The following DMD variants were observed in gnomAD, a reference collection of about 807,000 sequenced individuals.
The protein encoded by DMD is mutant dystrophin.
In DMD, 63 loss-of-function variants were observed where a neutral mutation model predicts 330.1. That is an observed-to-expected ratio of 0.19 (90% CI 0.16 to 0.24). The LOEUF (loss-of-function observed/expected upper bound fraction) is 0.24. Among genes scored for constraint, DMD ranks in the 10% least tolerant of loss-of-function variants. The probability of loss-of-function intolerance (pLI) is 1.00; values close to 1 mark genes in which losing one functional copy is unlikely to be tolerated. For missense variants in DMD, 3,344 were observed against 2,684.1 expected, an observed-to-expected ratio of 1.25 and a Z score of -5.43; for synonymous variants, 1,223 against 959.8, an observed-to-expected ratio of 1.27 and a Z score of -5.07.
intron 11 of DMD, 61 bp from the exon 12 acceptor site, chrX:32,614,514 C>T (rs2057410923): frequency 1.1e-6 from 1 of 924,773 alleles, no homozygotes; most frequent in African/African-American, 2.0e-5. Context: ...CTGAACATCA[C>T]AATGTAAAAC....
chrX:32,366,499 T>C (rs1312086610), intron 34 of DMD, among the ~76,000 whole-genome samples: 1 of 112,173 alleles, frequency 8.9e-6, no homozygotes, highest in Non-Finnish European at 1.9e-5. Flanking sequence ...AACAGGAAAG[T>C]GGAGAAAGTC....
intron 44 of DMD, among the ~76,000 whole-genome samples, chrX:32,211,968 T>A (rs1354127104): frequency 2.7e-5 from 3 of 112,217 alleles, no homozygotes; most frequent in African/African-American, 9.7e-5. Context: ...TCCAAGAACA[T>A]GCTAGCTTTA....
At chrX:31,995,168 C>A (rs2095576650) in intron 44 of DMD, among the ~76,000 whole-genome samples, 1 of 111,677 alleles carries the variant, frequency 9.0e-6, no homozygotes, top group South Asian at 3.8e-4. Context: ...TAAGTTATTA[C>A]ATTTGTATTT....
At chrX:32,203,304 T>C (rs945620074) in intron 44 of DMD, among the ~76,000 whole-genome samples, 3 of 112,757 alleles carry the variant, frequency 2.7e-5, no homozygotes, top group Admixed American at 1.9e-4. Flanking sequence ...GGAAATATGA[T>C]TGATTCCTTA....
chrX:32,069,621 T>C (rs1357841974), intron 44 of DMD, among the ~76,000 whole-genome samples: 2 of 112,028 alleles, frequency 1.8e-5, no homozygotes, highest in African/African-American at 6.5e-5. Context: ...CAATGAAGCA[T>C]TTTAAGTATG....
chrX:31,728,828 G>A (rs5927821), intron 52 of DMD, among the ~76,000 whole-genome samples: 56,426 of 110,516 alleles, frequency 0.51, 11,372 homozygotes, highest in African/African-American at 0.74. Flanking sequence ...TTCAATACCA[G>A]TGTGTGTCCC....
chrX:31,178,384 T>C lies in DMD; in HGVS notation c.10223+285A>G, dbSNP rs949432936. Reference sequence around the variant, plus strand: ...AATCACTCATTTGTAAACAGTCCCATATTTCTTATAAGGCTTGTAAGGCAA... The same window carrying C: ...AATCACTCATTTGTAAACAGTCCCACATTTCTTATAAGGCTTGTAAGGCAA... On this transcript the variant is annotated intron_variant, in intron 70 of 78. Coordinates refer to ENST00000357033, the MANE Select transcript of DMD (RefSeq NM_004006.3). 17 of 952,994 alleles carry C rather than the reference T, an allele frequency of 1.8e-5. No homozygotes were observed. In the African/African-American group the frequency reaches 3.2e-4, roughly 18 times the overall value. The allele number at this position is 952,994 out of a possible 1,213,427, so 78.5% of individuals were successfully genotyped here.
chrX:32,843,975 A>G (rs185561473), intron 4 of DMD, among the ~76,000 whole-genome samples: 6 of 112,760 alleles, frequency 5.3e-5, no homozygotes, highest in African/African-American at 1.9e-4. Context: ...ATGTTTCTGT[A>G]TAATTTATAT....
chrX:32,923,710 GAT>G (rs777579189), intron 2 of DMD, among the ~76,000 whole-genome samples: 2 of 111,811 alleles, frequency 1.8e-5, no homozygotes, highest in African/African-American at 6.5e-5. Flanking sequence ...GATGTAAAAA[GAT>G]AGTTTTCATC....
chrX:31,661,010 T>A (rs2081091473), intron 53 of DMD, among the ~76,000 whole-genome samples: 1 of 112,212 alleles, frequency 8.9e-6, no homozygotes, highest in Non-Finnish European at 1.9e-5. Context: ...TAACATATCC[T>A]AGAATTTTCC....
At chrX:32,883,823 C>CCAAAAAAAAA (rs1169678184) in intron 2 of DMD, among the ~76,000 whole-genome samples, 2 of 30,352 alleles carry the variant, frequency 6.6e-5, no homozygotes, top group African/African-American at 2.9e-4. Flanking sequence ...GACTCTGTTT[C>CCAAAAAAAAA]AAAAAAAAAA....
chrX:32,649,486 G>A (rs1317649561), intron 9 of DMD, among the ~76,000 whole-genome samples: 3 of 106,183 alleles, frequency 2.8e-5, no homozygotes, highest in African/African-American at 1.1e-4. Flanking sequence ...AACCCGGGAG[G>A]CGGAGCTTGC....
At chrX:31,406,735 G>A (rs181795039) in intron 60 of DMD, among the ~76,000 whole-genome samples, 1 of 111,377 alleles carries the variant, frequency 9.0e-6, no homozygotes, top group South Asian at 3.8e-4. Flanking sequence ...CAATGGAGTG[G>A]ATTGATTAGA....
At chrX:33,012,755 C>G (rs927830215) in intron 2 of DMD, among the ~76,000 whole-genome samples, 3 of 110,755 alleles carry the variant, frequency 2.7e-5, no homozygotes, top group Non-Finnish European at 5.7e-5. Context: ...AGTGTTAAGC[C>G]AGCACATTTA....
intron 1 of DMD, among the ~76,000 whole-genome samples, chrX:33,037,791 T>C (rs6527251): frequency 0.072 from 8,041 of 112,060 alleles, 699 homozygotes; most frequent in African/African-American, 0.25. Context: ...AGCATAGCTA[T>C]TCCTAAATGG....
At chrX:32,188,192 G>A (rs970011096) in intron 44 of DMD, among the ~76,000 whole-genome samples, 112 of 109,148 alleles carry the variant, frequency 1.0e-3, no homozygotes, top group African/African-American at 3.4e-3. Flanking sequence ...CTTACATATT[G>A]TTATTATTAA....
intron 44 of DMD, among the ~76,000 whole-genome samples, chrX:32,048,914 G>C (rs757715112): frequency 9.0e-6 from 1 of 111,646 alleles, no homozygotes; most frequent in Non-Finnish European, 1.9e-5. Context: ...GTGTGTGTAT[G>C]TGAAGGGTAA....
At chrX:32,984,668 T>C (rs1347019622) in intron 2 of DMD, among the ~76,000 whole-genome samples, 1 of 112,140 alleles carries the variant, frequency 8.9e-6, no homozygotes, top group Non-Finnish European at 1.9e-5. Flanking sequence ...GCCAAGCATA[T>C]AGTAAGCACT....
intron 62 of DMD, among the ~76,000 whole-genome samples, chrX:31,263,832 G>T (rs1260867702): frequency 8.9e-6 from 1 of 112,692 alleles, no homozygotes; most frequent in East Asian, 2.8e-4. Context: ...AGAATAAAGG[G>T]TGTGACTAAT....
Sources: gnomAD v4.1 joint callset for allele counts (sites outside exome capture counted in the v4.1 genomes callset) on GRCh38, gnomAD v4.1.1 for gene constraint, MANE v1.5 for transcripts, NCBI Gene and HGNC (gene_info 2026-07-23, HGNC 2026-07-21) for gene names.